POU6F2: variants seen among roughly 807,000 people sequenced by gnomAD.
POU6F2 encodes POU domain, class 6, transcription factor 2.
In POU6F2, 31 loss-of-function variants were observed where a neutral mutation model predicts 71.3. That is an observed-to-expected ratio of 0.43 (90% CI 0.33 to 0.59). POU6F2 has a LOEUF of 0.59. Ranked by LOEUF, POU6F2 falls within the 20% of genes least tolerant of loss-of-function variation. The pLI, the probability that POU6F2 is intolerant of heterozygous loss-of-function variation, is 0.04. For missense variants in POU6F2, 783 were observed against 856.8 expected, an observed-to-expected ratio of 0.91 and a Z score of 1.07; for synonymous variants, 347 against 355.7, an observed-to-expected ratio of 0.98 and a Z score of 0.27.
chr7:39,098,135 T>G (rs1322444345), intron 2 of POU6F2, among the ~76,000 whole-genome samples: 1 of 152,168 alleles, frequency 6.6e-6, no homozygotes, highest in East Asian at 1.9e-4. Flanking sequence ...TTCCTGCCTG[T>G]CTTTTCTGCC....
intron 2 of POU6F2, among the ~76,000 whole-genome samples, chr7:39,117,451 A>G (rs1378781559): frequency 5.3e-5 from 8 of 152,248 alleles, no homozygotes; most frequent in Admixed American, 4.6e-4. Context: ...TCTGAAACCC[A>G]ATAAACATAA....
intron 2 of POU6F2, among the ~76,000 whole-genome samples, chr7:39,130,919 C>T (rs766526308): frequency 6.6e-6 from 1 of 152,146 alleles, no homozygotes; most frequent in Non-Finnish European, 1.5e-5. Context: ...CTGCTACGGG[C>T]GCCGGGAGCC....
At chr7:39,276,117 C>T (rs1346801356) in intron 4 of POU6F2, among the ~76,000 whole-genome samples, 1 of 152,050 alleles carries the variant, frequency 6.6e-6, no homozygotes, top group Non-Finnish European at 1.5e-5. Context: ...GAACAGGCAA[C>T]CAGAAAATGG....
Position 39,097,897 on chromosome 7 carries a change from G to A in POU6F2, c.277+11866G>A, listed in dbSNP as rs547214086. Among the ~76,000 whole-genome samples the A allele has an allele frequency of 3.7e-4, 57 of 152,284 alleles. 1 individual carries two copies. In the South Asian group the frequency reaches 0.01, roughly 27 times the overall value. On this transcript the variant is annotated intron_variant, in intron 2 of 9. Transcript: ENST00000518318. ...GCTTTTTAGGCAATTTTAAGCCTTC[G>A]AAACCATACTTTTCAAGAGTTGTTT... is the stretch of plus-strand genomic sequence containing the variant.
intron 4 of POU6F2, among the ~76,000 whole-genome samples, chr7:39,235,055 G>A (rs1219181487): frequency 1.3e-5 from 2 of 152,136 alleles, no homozygotes; most frequent in Admixed American, 1.3e-4. Context: ...CTGTCTTTAG[G>A]ATGCTAAACT....
chr7:39,015,789 TTATA>T (rs1789486123), intron 1 of POU6F2, among the ~76,000 whole-genome samples: 1 of 96,898 alleles, frequency 1.0e-5, no homozygotes. Context: ...ATATGGTATA[TTATA>T]TATAGATATA....
chr7:39,442,504 C>T (rs1454487297), intron 7 of POU6F2, among the ~76,000 whole-genome samples: 1 of 152,186 alleles, frequency 6.6e-6, no homozygotes, highest in Non-Finnish European at 1.5e-5. Context: ...TCTTCTTCCT[C>T]AGCTTTATCC....
intron 6 of POU6F2, among the ~76,000 whole-genome samples, chr7:39,415,205 G>A: frequency 6.6e-6 from 1 of 151,950 alleles, no homozygotes; most frequent in East Asian, 1.9e-4. Context: ...TGTATTTTTA[G>A]TAGAGACGGG....
chr7:39,200,833 G>T (rs1328665862), intron 2 of POU6F2, among the ~76,000 whole-genome samples: 1 of 149,024 alleles, frequency 6.7e-6, no homozygotes, highest in Non-Finnish European at 1.5e-5. Flanking sequence ...AATGGAGTGA[G>T]ATGATTTCTG....
chr7:39,042,349 C>G (rs1016505540), intron 1 of POU6F2, among the ~76,000 whole-genome samples: 5 of 151,978 alleles, frequency 3.3e-5, no homozygotes, highest in Non-Finnish European at 5.9e-5. Context: ...AGAGGAACCA[C>G]TGAATGAGTT....
chr7:38,997,422 C>T (rs976351178), intron 1 of POU6F2, among the ~76,000 whole-genome samples: 3 of 152,172 alleles, frequency 2.0e-5, no homozygotes, highest in African/African-American at 7.2e-5. Flanking sequence ...AAATCTTGTC[C>T]ATCCTTCTGA....
At chr7:39,434,855 C>T (rs1215114802) in intron 7 of POU6F2, among the ~76,000 whole-genome samples, 1 of 152,120 alleles carries the variant, frequency 6.6e-6, no homozygotes. Flanking sequence ...CAATGTTCAA[C>T]TCCCCGTTAT....
chr7:38,999,747 C>G (rs958003446), intron 1 of POU6F2, among the ~76,000 whole-genome samples: 6 of 152,110 alleles, frequency 3.9e-5, no homozygotes, highest in Non-Finnish European at 8.8e-5. Context: ...GTCTTTTTTG[C>G]TAGTAACGCT....
intron 4 of POU6F2, among the ~76,000 whole-genome samples, chr7:39,275,364 A>C (rs1011005548): frequency 3.9e-5 from 6 of 152,214 alleles, no homozygotes; most frequent in Non-Finnish European, 8.8e-5. Flanking sequence ...GGACCTCTTC[A>C]AGGAGAACTA....
chr7:39,252,059 G>A (rs1461250377), intron 4 of POU6F2, among the ~76,000 whole-genome samples: 1 of 152,068 alleles, frequency 6.6e-6, no homozygotes, highest in Non-Finnish European at 1.5e-5. Flanking sequence ...AAATGGGAGG[G>A]CCAGCTCTAC....
At chr7:39,102,183 C>T (rs1222716099) in intron 2 of POU6F2, among the ~76,000 whole-genome samples, 1 of 152,138 alleles carries the variant, frequency 6.6e-6, no homozygotes, top group African/African-American at 2.4e-5. Context: ...GTCTAAGTCG[C>T]TTATAATGAA....
At chr7:39,063,970 C>T (rs1339339401) in intron 1 of POU6F2, among the ~76,000 whole-genome samples, 1 of 151,902 alleles carries the variant, frequency 6.6e-6, no homozygotes, top group East Asian at 1.9e-4. Context: ...AACAAGGATT[C>T]GGCTGATACA....
chr7:39,437,215 T>G (rs1023987215), intron 7 of POU6F2, among the ~76,000 whole-genome samples: 2 of 152,212 alleles, frequency 1.3e-5, no homozygotes, highest in Non-Finnish European at 2.9e-5. Flanking sequence ...CCTTTTTGTA[T>G]TTCTGGTAGA....
chr7:39,233,742 A>T (rs900567808), intron 4 of POU6F2, among the ~76,000 whole-genome samples: 5 of 152,114 alleles, frequency 3.3e-5, no homozygotes, highest in African/African-American at 1.2e-4. Flanking sequence ...CCAACACACA[A>T]TATGTACACA....
Sources: gnomAD v4.1 joint callset for allele counts (sites outside exome capture counted in the v4.1 genomes callset) on GRCh38, gnomAD v4.1.1 for gene constraint, MANE v1.5 for transcripts, NCBI Gene and HGNC (gene_info 2026-07-23, HGNC 2026-07-21) for gene names.